The following GALK2 variants were observed in gnomAD, a reference collection of about 807,000 sequenced individuals.
GALK2 encodes the protein N-acetylgalactosamine kinase.
GALK2 carries 36 observed loss-of-function variants against 52.4 expected under a neutral mutation model. That is an observed-to-expected ratio of 0.69 (90% confidence interval 0.53 to 0.91). The LOEUF is 0.91. Ranked by LOEUF, GALK2 falls within the 40% of genes least tolerant of loss-of-function variation. GALK2 has a pLI of 0.00. For missense variants in GALK2, 579 were observed against 559.1 expected (o/e 1.04, Z -0.36); for synonymous variants, 176 against 199.1 (o/e 0.88, Z 0.98).
At position 49,252,252 on chromosome 15, in the gene GALK2, T is replaced by G. The variant is rs527976296; in HGVS notation, c.504+12885T>G. Among the ~76,000 whole-genome samples, 10 of 151,990 alleles carry G rather than the reference T, an allele frequency of 6.6e-5. No individual in the cohort carries two copies. In the South Asian group the frequency reaches 2.1e-3, roughly 32 times the overall value. ...TTGCACTCCAGTCTGGGTGACAGAG[T>G]AAGACTTCGTCTCAAAAAAAAAATT... is the stretch of plus-strand genomic sequence containing the variant. On this transcript the variant is annotated intron_variant, in intron 5 of 9. Coordinates refer to ENST00000560031, the MANE Select transcript of GALK2 (RefSeq NM_002044.4).
intron 5 of GALK2, among the ~76,000 whole-genome samples, chr15:49,270,344 A>G (rs1303438778): frequency 2.6e-5 from 4 of 152,230 alleles, no homozygotes; most frequent in Non-Finnish European, 5.9e-5. Flanking sequence ...CATGATCAGA[A>G]TAGAGGAATC....
chr15:49,188,827 T>A (rs769970999), intron 1 of GALK2, among the ~76,000 whole-genome samples: 1 of 152,226 alleles, frequency 6.6e-6, no homozygotes, highest in Non-Finnish European at 1.5e-5. Context: ...CAGCTTTTAT[T>A]ATTATTTTCA....
chr15:49,335,818 C>G (rs1596258989), downstream of GALK2, among the ~76,000 whole-genome samples: 3 of 152,320 alleles, frequency 2.0e-5, no homozygotes, highest in African/African-American at 4.8e-5. Flanking sequence ...TTAAAAATTA[C>G]CAAAATATTA....
intron 5 of GALK2, among the ~76,000 whole-genome samples, chr15:49,269,742 C>A (rs2030114632): frequency 6.6e-6 from 1 of 152,130 alleles, no homozygotes; most frequent in Non-Finnish European, 1.5e-5. Context: ...AATAGGAGAT[C>A]ATTTTCTACC....
intron 1 of GALK2, among the ~76,000 whole-genome samples, chr15:49,171,192 C>T (rs887351953): frequency 2.6e-5 from 4 of 151,098 alleles, no homozygotes; most frequent in Non-Finnish European, 5.9e-5. Flanking sequence ...AAGCGATTCT[C>T]CTGTCTCAGC....
At chr15:49,361,704 C>G (rs1288832826) in intron 3 of GALK2, among the ~76,000 whole-genome samples, 1 of 152,128 alleles carries the variant, frequency 6.6e-6, no homozygotes, top group Non-Finnish European at 1.5e-5. Flanking sequence ...TTGCAATGAG[C>G]ATACGCGTGA....
rs576079344 is a variant in GALK2 at position 49,304,640 on chromosome 15, T to C, written c.967+12103T>C. ...AGTACAGTCTTAATATGTGTGAGGA[T>C]AGCTGGAATATTTGGAAGCAGCCTA... On this transcript the variant is annotated intron_variant, in intron 8 of 9. Coordinates refer to ENST00000560031, the MANE Select transcript of GALK2 (RefSeq NM_002044.4). Among the ~76,000 whole-genome samples the C allele has an allele frequency of 4.6e-5, 7 of 152,350 alleles. No individual in the cohort carries two copies. The East Asian group carries it at 9.6e-4, about 21-fold the overall frequency.
At chr15:49,258,444 G>A (rs552592054) in intron 5 of GALK2, among the ~76,000 whole-genome samples, 1 of 152,156 alleles carries the variant, frequency 6.6e-6, no homozygotes, top group South Asian at 2.1e-4. Flanking sequence ...TGGATATAAA[G>A]ATCCTGAGGT....
chr15:49,362,217 G>A (rs2044362810), intron 3 of GALK2, among the ~76,000 whole-genome samples: 1 of 152,074 alleles, frequency 6.6e-6, no homozygotes, highest in Admixed American at 6.6e-5. Context: ...GAGGTGATTG[G>A]ATCATGGGAG....
intron 3 of GALK2, chr15:49,225,329 A>T (rs1247913557): frequency 2.3e-6 from 1 of 433,380 alleles, no homozygotes; most frequent in Non-Finnish European, 4.6e-6. Context: ...GCCTGTTCAG[A>T]AGTGGGCCAC....
chr15:49,252,448 G>T (rs1254466390), intron 5 of GALK2, among the ~76,000 whole-genome samples: 1 of 152,030 alleles, frequency 6.6e-6, no homozygotes, highest in Non-Finnish European at 1.5e-5. Flanking sequence ...ATAGATTTTG[G>T]TGTGATGGTA....
chr15:49,245,265 A>G (rs771343003), intron 5 of GALK2, among the ~76,000 whole-genome samples: 10 of 152,206 alleles, frequency 6.6e-5, no homozygotes, highest in Non-Finnish European at 1.5e-4. Flanking sequence ...TTGGAATTGG[A>G]AGCAAAAGCA....
chr15:49,278,681 A>G (rs2032257669), intron 5 of GALK2, among the ~76,000 whole-genome samples: 1 of 152,196 alleles, frequency 6.6e-6, no homozygotes, highest in African/African-American at 2.4e-5. Context: ...CTGGAGTCAG[A>G]TCATTTGAGT....
chr15:49,236,111 G>A (rs886686254), intron 4 of GALK2, among the ~76,000 whole-genome samples, 170 bp downstream of exon 4: 1 of 152,174 alleles, frequency 6.6e-6, no homozygotes, highest in Non-Finnish European at 1.5e-5. Flanking sequence ...CTGTTTTGGG[G>A]TGGTGTTCAC....
intron 5 of GALK2, among the ~76,000 whole-genome samples, chr15:49,268,695 ATCT>A (rs1440048347): frequency 6.6e-6 from 1 of 152,210 alleles, no homozygotes; most frequent in African/African-American, 2.4e-5. Flanking sequence ...AGAAATGATC[ATCT>A]TCTTTTTCTC....
At chr15:49,262,237 A>C (rs1287261635) in intron 5 of GALK2, among the ~76,000 whole-genome samples, 1 of 152,120 alleles carries the variant, frequency 6.6e-6, no homozygotes, top group East Asian at 1.9e-4. Flanking sequence ...TTATTGCCAC[A>C]ATTTCAGAGC....
At chr15:49,191,917 C>G (rs1391830026) in intron 1 of GALK2, among the ~76,000 whole-genome samples, 3 of 151,812 alleles carry the variant, frequency 2.0e-5, no homozygotes, top group African/African-American at 7.3e-5. Flanking sequence ...TAAGGAAATG[C>G]TTTTCCTTTT....
intron 3 of GALK2, among the ~76,000 whole-genome samples, chr15:49,357,036 C>A (rs1189508731): frequency 3.3e-5 from 5 of 151,070 alleles, no homozygotes; most frequent in Non-Finnish European, 1.5e-5. Flanking sequence ...TTGAAACCAA[C>A]GAGAACAAAG....
intron 5 of GALK2, among the ~76,000 whole-genome samples, chr15:49,274,110 A>AC (rs575935724): frequency 1.3e-5 from 2 of 152,198 alleles, no homozygotes; most frequent in Non-Finnish European, 2.9e-5. Flanking sequence ...AGCAGAGAGC[A>AC]CCGGAGCCTG....
Sources: allele counts gnomAD v4.1 joint callset (sites outside exome capture counted in the v4.1 genomes callset), GRCh38; gene constraint gnomAD v4.1.1; transcripts MANE v1.5; gene names NCBI Gene and HGNC (gene_info 2026-07-23, HGNC 2026-07-21).